The following HEATR5B variants were observed in gnomAD, a reference collection of about 807,000 sequenced individuals.
HEATR5B encodes the protein HEAT repeat-containing protein 5B.
HEATR5B carries 156 observed loss-of-function variants against 224.1 expected under a neutral mutation model. The ratio of observed to expected loss-of-function variants is 0.70; its 90% CI spans 0.61 to 0.80. The LOEUF is 0.80. Ranked by LOEUF, HEATR5B falls within the 30% of genes least tolerant of loss-of-function variation. HEATR5B has a pLI of 0.00. For missense variants in HEATR5B, 2,323 were observed against 2,535.5 expected (o/e 0.92, Z 1.80); for synonymous variants, 1,027 against 893.0 (o/e 1.15, Z -2.68).
At chr2:37,048,327 G>C (rs934376600) in intron 18 of HEATR5B, among the ~76,000 whole-genome samples, 1 of 151,932 alleles carries the variant, frequency 6.6e-6, no homozygotes, top group African/African-American at 2.4e-5. Flanking sequence ...TGGGACGATA[G>C]GTATATTCAA....
intron 33 of HEATR5B, among the ~76,000 whole-genome samples, chr2:36,991,615 G>T (rs191125690): frequency 1.5e-4 from 16 of 106,668 alleles, no homozygotes; most frequent in African/African-American, 3.9e-4. Flanking sequence ...AATATAGTAC[G>T]TAATTAGAAA....
chr2:36,989,502 G>A (rs1666176757), intron 34 of HEATR5B, among the ~76,000 whole-genome samples: 1 of 152,098 alleles, frequency 6.6e-6, no homozygotes, highest in South Asian at 2.1e-4. Context: ...ATTTACTAAG[G>A]AAGGTTAAAT....
intron 26 of HEATR5B, among the ~76,000 whole-genome samples, chr2:37,016,094 A>C (rs1668096148): frequency 6.6e-6 from 1 of 151,454 alleles, no homozygotes; most frequent in Non-Finnish European, 1.5e-5. Flanking sequence ...TAACAACAAT[A>C]ATTACATGTC....
intron 35 of HEATR5B, among the ~76,000 whole-genome samples, chr2:36,988,316 G>C (rs1273013477): frequency 1.3e-5 from 2 of 151,446 alleles, no homozygotes; most frequent in African/African-American, 2.4e-5. Context: ...AGGCTGGAGT[G>C]CGCTGGCATG....
At chr2:37,019,272 G>A (rs1668316953) in intron 26 of HEATR5B, among the ~76,000 whole-genome samples, 1 of 151,968 alleles carries the variant, frequency 6.6e-6, no homozygotes, top group Admixed American at 6.6e-5. Context: ...TCTATATTGT[G>A]AAATTCTCCT....
At chr2:36,994,333 TAA>T (rs1666540045) in intron 33 of HEATR5B, among the ~76,000 whole-genome samples, 1 of 152,196 alleles carries the variant, frequency 6.6e-6, no homozygotes, top group Non-Finnish European at 1.5e-5. Context: ...TTGAAGCAAT[TAA>T]GAGTGATTCA....
Position 37,070,325 on chromosome 2 carries a change from A to C in HEATR5B, c.832T>G (p.Phe278Val). ...AAGAAACCTGACCCTCCACGCAGAA[A>C]TCCTGTGGCCATGAGTTCTAAGACT... is the stretch of plus-strand genomic sequence containing the variant. ...DEVLELMATG[F>V]LRGGSGFLKS... Residue 278 changes from phenylalanine to valine, a missense_variant, in exon 7 of 36, where the codon TTT becomes GTT. Coordinates refer to ENST00000233099, the MANE Select transcript of HEATR5B (RefSeq NM_019024.3). The C allele has an allele frequency of 8.1e-6, 13 of 1,613,960 alleles. No homozygotes were observed. Among genetic ancestry groups the C allele is most frequent in the Non-Finnish European group, 1.1e-5 (13 of 1,179,822 alleles).
At chr2:37,003,914 G>A (rs960011531) in intron 30 of HEATR5B, among the ~76,000 whole-genome samples, 6 of 152,132 alleles carry the variant, frequency 3.9e-5, no homozygotes, top group Non-Finnish European at 7.3e-5. Flanking sequence ...ATATTTAAAT[G>A]TGCTTTATAT....
At chr2:37,062,936 T>G (rs989734418) in intron 10 of HEATR5B, among the ~76,000 whole-genome samples, 6 of 152,198 alleles carry the variant, frequency 3.9e-5, no homozygotes, top group African/African-American at 1.4e-4. Flanking sequence ...TACAAGTGTA[T>G]GCCAACATAC....
chr2:36,983,997 G>A (rs945696306), intron 35 of HEATR5B, among the ~76,000 whole-genome samples: 13 of 150,120 alleles, frequency 8.7e-5, no homozygotes, highest in African/African-American at 2.7e-4. Flanking sequence ...CCAGGAGTTC[G>A]AGACCAGCCT....
chr2:37,030,097 G>A (rs1299682680), intron 22 of HEATR5B, among the ~76,000 whole-genome samples: 2 of 152,044 alleles, frequency 1.3e-5, no homozygotes, highest in Non-Finnish European at 2.9e-5. Context: ...TATATAACTG[G>A]TGGCTTTAAG....
chr2:37,067,317 G>A (rs1671646611), intron 8 of HEATR5B, among the ~76,000 whole-genome samples: 1 of 152,236 alleles, frequency 6.6e-6, no homozygotes. Context: ...CGGTGTTTCT[G>A]GCACTAAACA....
intron 24 of HEATR5B, among the ~76,000 whole-genome samples, chr2:37,023,763 C>A (rs1668604809): frequency 6.6e-6 from 1 of 151,870 alleles, no homozygotes; most frequent in African/African-American, 2.4e-5. Context: ...GGTGACAGAG[C>A]AAGACTCTGT....
intron 26 of HEATR5B, among the ~76,000 whole-genome samples, chr2:37,015,853 A>C (rs570527027): frequency 6.6e-6 from 1 of 152,342 alleles, no homozygotes; most frequent in East Asian, 1.9e-4. Flanking sequence ...AAAGGTGATA[A>C]CTAAAGTATT....
At chr2:37,047,057 A>AAAAAG (rs1670247395) in intron 18 of HEATR5B, among the ~76,000 whole-genome samples, 7 of 150,558 alleles carry the variant, frequency 4.6e-5, no homozygotes, top group African/African-American at 2.4e-5. Context: ...AAAAAAAAAA[A>AAAAAG]AAGAAGCTGG....
intron 27 of HEATR5B, among the ~76,000 whole-genome samples, chr2:37,009,311 T>C (rs886592793): frequency 3.3e-5 from 5 of 149,256 alleles, no homozygotes; most frequent in South Asian, 2.1e-4. Flanking sequence ...TCAGGTGCAG[T>C]GGCTCATGCC....
intron 3 of HEATR5B, among the ~76,000 whole-genome samples, chr2:37,077,785 A>G (rs371640228): frequency 1.3e-5 from 2 of 152,250 alleles, no homozygotes; most frequent in African/African-American, 2.4e-5. Context: ...GTGGAAATGT[A>G]AACTCCAGAA....
At chr2:37,053,928 A>T (rs1388945706) in intron 16 of HEATR5B, among the ~76,000 whole-genome samples, 1 of 151,836 alleles carries the variant, frequency 6.6e-6, no homozygotes, top group African/African-American at 2.4e-5. Flanking sequence ...CAAAGATAAC[A>T]ATCATTAATT....
chr2:36,985,438 C>CA lies in HEATR5B; in HGVS notation c.5911+3207dup, dbSNP rs202067727. 1.1e-3 allele frequency among the ~76,000 whole-genome samples: 163 copies of CA among 149,406 alleles called. 3 individuals carry two copies. The East Asian group carries it at 0.024, about 22-fold the overall frequency. On this transcript the variant is annotated intron_variant, in intron 35 of 35. Transcript: ENST00000233099. ...CAGTCCATTAAAAAAATGAAGAAAT[C>CA]ACGATGGTGCTTTTTTTTGGTTTTT...
Sources: allele counts gnomAD v4.1 joint callset (sites outside exome capture counted in the v4.1 genomes callset), GRCh38; gene constraint gnomAD v4.1.1; transcripts MANE v1.5; gene names NCBI Gene and HGNC (gene_info 2026-07-23, HGNC 2026-07-21).